CRPPA: variants seen among roughly 807,000 people sequenced by gnomAD.
The protein encoded by CRPPA is D-ribitol-5-phosphate cytidylyltransferase.
A neutral mutation model predicts 52.0 loss-of-function variants in CRPPA; 43 were observed. The observed-to-expected ratio is 0.83, with a 90% CI of 0.65 to 1.07. The LOEUF (loss-of-function observed/expected upper bound fraction) is 1.07. CRPPA is among the 50% of genes least tolerant of loss of function. The pLI, the probability that CRPPA is intolerant of heterozygous loss-of-function variation, is 0.00. For missense variants in CRPPA, 629 were observed against 551.7 expected (o/e 1.14, Z -1.40); for synonymous variants, 250 against 203.5 (o/e 1.23, Z -1.94).
chr7:16,297,883 A>T (rs542479930), intron 5 of CRPPA, among the ~76,000 whole-genome samples: 50 of 152,228 alleles, frequency 3.3e-4, no homozygotes, highest in African/African-American at 1.2e-3. Flanking sequence ...CCATCATCAC[A>T]TGAGCCAATC....
At chr7:16,103,006 A>T (rs1273042571) in intron 9 of CRPPA, among the ~76,000 whole-genome samples, 1 of 152,224 alleles carries the variant, frequency 6.6e-6, no homozygotes, top group African/African-American at 2.4e-5. Context: ...AGATGCACAC[A>T]TATATTTATT....
At chr7:16,284,313 T>A (rs771759417) in intron 5 of CRPPA, among the ~76,000 whole-genome samples, 12 of 152,078 alleles carry the variant, frequency 7.9e-5, no homozygotes, top group Non-Finnish European at 1.6e-4. Context: ...TAGACATATA[T>A]AAGGGGAAGG....
chr7:16,140,356 G>A (rs1476247832), intron 9 of CRPPA, among the ~76,000 whole-genome samples: 2 of 151,656 alleles, frequency 1.3e-5, no homozygotes, highest in African/African-American at 2.4e-5. Flanking sequence ...GTAGAGATGG[G>A]GTTTCACCAT....
At chr7:16,231,337 T>C (rs1046228771) in intron 8 of CRPPA, among the ~76,000 whole-genome samples, 10 of 152,184 alleles carry the variant, frequency 6.6e-5, no homozygotes, top group African/African-American at 2.2e-4. Flanking sequence ...TTCAAATTGA[T>C]GTTTCTGGTG....
chr7:16,392,212 A>G (rs1274831192), intron 2 of CRPPA, among the ~76,000 whole-genome samples: 1 of 152,140 alleles, frequency 6.6e-6, no homozygotes, highest in Non-Finnish European at 1.5e-5. Context: ...AAAGCTTCCA[A>G]TCCAACAATT....
intron 1 of CRPPA, among the ~76,000 whole-genome samples, chr7:16,411,177 C>A (rs1020295732): frequency 6.6e-6 from 1 of 152,172 alleles, no homozygotes; most frequent in East Asian, 1.9e-4. Context: ...ATATCCATAT[C>A]AGCTCTATAA....
intron 8 of CRPPA, among the ~76,000 whole-genome samples, chr7:16,256,789 G>A (rs1387166992): frequency 6.6e-6 from 1 of 152,112 alleles, no homozygotes; most frequent in Non-Finnish European, 1.5e-5. Context: ...GAGAGGGATA[G>A]CATTAGGAGA....
chr7:16,263,920 T>C (rs565868086), intron 6 of CRPPA, among the ~76,000 whole-genome samples: 8 of 152,136 alleles, frequency 5.3e-5, no homozygotes, highest in Admixed American at 1.3e-4. Flanking sequence ...AAGACAGAAA[T>C]GCATACACAA....
intron 9 of CRPPA, among the ~76,000 whole-genome samples, chr7:16,199,274 G>C (rs1007236344): frequency 6.6e-6 from 1 of 152,070 alleles, no homozygotes; most frequent in Non-Finnish European, 1.5e-5. Context: ...GCAAAACTCA[G>C]AAGGAAGCTC....
intron 9 of CRPPA, among the ~76,000 whole-genome samples, chr7:16,211,337 A>G (rs548524872): frequency 1.3e-5 from 2 of 152,358 alleles, no homozygotes; most frequent in Admixed American, 1.3e-4. Flanking sequence ...TCAAAACAAT[A>G]TTGAAAGTGA....
intron 9 of CRPPA, among the ~76,000 whole-genome samples, chr7:16,111,726 A>G (rs915654924): frequency 6.6e-6 from 1 of 152,188 alleles, no homozygotes; most frequent in Admixed American, 6.6e-5. Context: ...CTGAATTAGA[A>G]GCAGAGTAGA....
chr7:16,263,759 A>AT (rs1783876845), intron 6 of CRPPA, among the ~76,000 whole-genome samples: 1 of 151,902 alleles, frequency 6.6e-6, no homozygotes, highest in Non-Finnish European at 1.5e-5. Context: ...TTCAAAATAA[A>AT]AAAAAAAAAG....
chr7:16,173,588 C>T (rs991185545), intron 9 of CRPPA, among the ~76,000 whole-genome samples: 8 of 151,906 alleles, frequency 5.3e-5, no homozygotes, highest in Non-Finnish European at 1.2e-4. Flanking sequence ...TAACAAGATG[C>T]CCAATAAAAC....
At chr7:16,384,776 C>A (rs931147299) in intron 2 of CRPPA, among the ~76,000 whole-genome samples, 11 of 152,200 alleles carry the variant, frequency 7.2e-5, no homozygotes, top group Admixed American at 5.9e-4. Context: ...AGTCATGCAT[C>A]CAAATAGGAA....
At chr7:16,217,293 A>C (rs1022943807) in intron 8 of CRPPA, among the ~76,000 whole-genome samples, 1 of 151,696 alleles carries the variant, frequency 6.6e-6, no homozygotes, top group African/African-American at 2.4e-5. Flanking sequence ...CCATCTGTAC[A>C]TCACCATCAT....
chr7:16,106,032 C>A (rs1782144173), intron 9 of CRPPA, among the ~76,000 whole-genome samples: 1 of 152,154 alleles, frequency 6.6e-6, no homozygotes, highest in Non-Finnish European at 1.5e-5. Context: ...GAGACTTCCA[C>A]ATCTGCACAT....
intron 9 of CRPPA, among the ~76,000 whole-genome samples, chr7:16,129,472 G>A (rs1171963643): frequency 1.3e-5 from 2 of 151,798 alleles, no homozygotes; most frequent in Admixed American, 1.3e-4. Context: ...TCCATCTTAG[G>A]CTCTCATTGT....
At chr7:16,191,285 C>T (rs1201940388) in intron 9 of CRPPA, among the ~76,000 whole-genome samples, 1 of 152,004 alleles carries the variant, frequency 6.6e-6, no homozygotes. Flanking sequence ...CTGAAATGCT[C>T]GCAGACCATA....
chr7:16,350,726 T>C (rs557006962), intron 3 of CRPPA, among the ~76,000 whole-genome samples: 1 of 152,164 alleles, frequency 6.6e-6, no homozygotes, highest in African/African-American at 2.4e-5. Flanking sequence ...CAAAAACCAA[T>C]TGACAGAATG....
Sources: gnomAD v4.1 joint callset for allele counts (sites outside exome capture counted in the v4.1 genomes callset) on GRCh38, gnomAD v4.1.1 for gene constraint, MANE v1.5 for transcripts, NCBI Gene and HGNC (gene_info 2026-07-23, HGNC 2026-07-21) for gene names.